CHMP6: variants seen among roughly 807,000 people sequenced by gnomAD.
CHMP6 encodes the protein charged multivesicular body protein 6, also known as chromatin-modifying protein 6.
CHMP6 carries 10 observed loss-of-function variants against 32.8 expected under a neutral mutation model. The observed-to-expected ratio is 0.30, with a 90% CI of 0.19 to 0.52. The LOEUF is 0.52. CHMP6 is among the 20% of genes least tolerant of loss of function. The probability of loss-of-function intolerance (pLI) is 0.97; values close to 1 mark genes in which losing one functional copy is unlikely to be tolerated. For synonymous variants in CHMP6, 123 were observed against 105.8 expected (o/e 1.16, Z -1.00); for missense variants, 269 against 263.8 (o/e 1.02, Z -0.14).
chr17:80,997,109 A>G (rs4969334), intron 5 of CHMP6, 37 bp downstream of exon 5: 961,950 of 1,609,266 alleles, frequency 0.6, 288,971 homozygotes, highest in African/African-American at 0.73. Flanking sequence ...CCCAACTGTG[A>G]GAACCCACAA....
chr17:80,993,461 C>T (rs1210995737), intron 1 of CHMP6, among the ~76,000 whole-genome samples: 2 of 152,076 alleles, frequency 1.3e-5, no homozygotes, highest in Non-Finnish European at 2.9e-5. Context: ...CTTGGCACGG[C>T]GAGGGGGAGA....
rs1176346042 is a variant in CHMP6, at chr17:80,991,854, C to T, written c.-65C>T. Reference sequence around the variant, plus strand: ...CGCCGTAGCGGGAGGACCCGAGCTACGGTGGCCGCGGGGCGGCGGTGGCGA... The same window carrying T: ...CGCCGTAGCGGGAGGACCCGAGCTATGGTGGCCGCGGGGCGGCGGTGGCGA... On this transcript the variant is annotated 5_prime_UTR_variant, in exon 1 of 8. In the 5' UTR this introduces an upstream ATG that the reference lacks. Transcript: ENST00000325167. 1.6e-6 allele frequency: 2 copies of T among 1,272,988 alleles called. No homozygotes were observed. The highest frequency in any genetic ancestry group is 3.5e-5 in the East Asian group (1 of 28,684). 78.9% of individuals were successfully genotyped at this position (1,272,988 alleles called of 1,614,324 possible).
At chr17:80,994,005 C>T (rs928803006) in intron 1 of CHMP6, among the ~76,000 whole-genome samples, 6 of 152,148 alleles carry the variant, frequency 3.9e-5, no homozygotes, top group African/African-American at 1.2e-4. Flanking sequence ...CTCTGCCTCC[C>T]GGGTTCACGC....
chr17:80,991,927 C>T lies in CHMP6; in HGVS notation c.9C>T (p.Asn3=), dbSNP rs777695255. 4 of 1,467,508 alleles carry T rather than the reference C, an allele frequency of 2.7e-6. No homozygotes were observed. Among genetic ancestry groups the T allele is most frequent in the Non-Finnish European group, 2.7e-6 (3 of 1,103,918 alleles). The allele number at this position is 1,467,508 out of a possible 1,614,324, so 90.9% of individuals were successfully genotyped here. The change falls in exon 1 of 8, where the codon AAC becomes AAT. Residue 3 remains asparagine, a synonymous_variant. Transcript: ENST00000325167. MG[N]LFGRKKQSRV... is the part of the protein sequence containing the mutation. ...CAGGGGCGGGCGCCGCCATGGGTAACCTGTTCGGCCGCAAGAAGCAGAGCC... is the reference window on the plus strand; with the variant it reads ...CAGGGGCGGGCGCCGCCATGGGTAATCTGTTCGGCCGCAAGAAGCAGAGCC...
At chr17:80,998,909 G>A (rs1199531199) in intron 7 of CHMP6, among the ~76,000 whole-genome samples, 189 bp from the exon 8 acceptor site, 4 of 152,306 alleles carry the variant, frequency 2.6e-5, no homozygotes, top group Non-Finnish European at 5.9e-5. Context: ...ACTGTCCCGT[G>A]TCCCTGGCCC....
chr17:80,998,246 G>C (rs1290783963), intron 6 of CHMP6, 120 bp from the exon 7 acceptor site: 4 of 1,186,310 alleles, frequency 3.4e-6, no homozygotes, highest in Admixed American at 3.8e-5. Context: ...GCACGTTCCT[G>C]TCCGCTTTAA....
chr17:80,999,385 G>C lies in CHMP6; in HGVS notation c.*232G>C, dbSNP rs1356828230. ...CTGCTCTCAGTCCGGATTAACTCTC[G>C]ACCGAGCCCAGCTTCTGCCGGTTGT... On this transcript the variant is annotated 3_prime_UTR_variant, in exon 8 of 8. Transcript: ENST00000325167. The C allele has an allele frequency of 1.9e-6, 1 of 514,080 alleles. No homozygotes were observed. Among genetic ancestry groups the C allele is most frequent in the African/African-American group, 1.9e-5 (1 of 51,458 alleles). The allele number at this position is 514,080 out of a possible 1,614,324, so 31.8% of individuals were successfully genotyped here.
At chr17:80,998,259 C>G in intron 6 of CHMP6, 107 bp from the exon 7 acceptor site, 3 of 1,333,490 alleles carry the variant, frequency 2.2e-6, no homozygotes, top group Non-Finnish European at 3.2e-6. Flanking sequence ...CGCTTTAACT[C>G]CGGCTGAGAG....
At position 80,995,692 on chromosome 17, in the gene CHMP6, C is replaced by G; in HGVS notation, c.282C>G (p.Thr94=). The part of the protein sequence containing the change: ...LEAMVQSIEF[T]QIEMKVMEGL... ...TTCAGGTTCAGAGTATTGAGTTCAC[C>G]CAGATCGAAATGAAAGTGATGGAGG... Residue 94 remains threonine, a synonymous_variant, in exon 4 of 8, where the codon ACC becomes ACG. Transcript: ENST00000325167. The G allele has an allele frequency of 6.2e-7, 1 of 1,614,066 alleles. No homozygotes were observed. Among genetic ancestry groups the G allele is most frequent in the Non-Finnish European group, 8.5e-7 (1 of 1,179,954 alleles).
Position 80,997,349 on chromosome 17 carries a change from C to A in CHMP6, c.495+8C>A, listed in dbSNP as rs903716974. 1.6e-6 allele frequency: 1 copy of A among 641,418 alleles called. No individual in the cohort carries two copies. Among genetic ancestry groups the A allele is most frequent in the Non-Finnish European group, 2.2e-6 (1 of 451,274 alleles). 39.7% of individuals were successfully genotyped at this position (641,418 alleles called of 1,614,324 possible). ...CTGAGCGCAATCACTCAGGTAACGG[C>A]CCCCCCGGGACTGAGCACAGTCACT... On this transcript the variant is annotated splice_region_variant and intron_variant, in intron 6 of 7. Coordinates refer to ENST00000325167, the MANE Select transcript of CHMP6 (RefSeq NM_024591.5).
intron 7 of CHMP6, 124 bp from the exon 8 acceptor site, chr17:80,998,974 C>T (rs1316616446): frequency 4.9e-5 from 53 of 1,081,996 alleles, no homozygotes; most frequent in Middle Eastern, 2.0e-4. Context: ...CAGAGCTGGG[C>T]GTGCCCTTCC....
chr17:80,998,549 G>T, intron 7 of CHMP6, 129 bp downstream of exon 7: 1 of 1,564,604 alleles, frequency 6.4e-7, no homozygotes. Flanking sequence ...TGGCTGTTTG[G>T]CTTGGGGGCG....
chr17:80,995,781 G>T lies in CHMP6; in HGVS notation c.348+23G>T, dbSNP rs199694932. 3.1e-6 allele frequency: 5 copies of T among 1,609,298 alleles called. No homozygotes were observed. The Admixed American group carries it at 6.7e-5, about 21-fold the overall frequency. The stretch of plus-strand genomic sequence containing the variant: ...CAGGTGAGTCTCTGCAGGGCCAGGG[G>T]CATGGAGGTGTGGGGAGCCCATTGG... On this transcript the variant is annotated intron_variant, in intron 4 of 7. Coordinates refer to ENST00000325167, the MANE Select transcript of CHMP6 (RefSeq NM_024591.5).
At chr17:80,998,493 C>T (rs374559574) in intron 7 of CHMP6, 73 bp downstream of exon 7, 77 of 1,611,528 alleles carry the variant, frequency 4.8e-5, no homozygotes, top group African/African-American at 6.8e-5. Flanking sequence ...GGGAACAAGA[C>T]AGAATGCTCC....
chr17:80,992,703 A>T (rs1598438089), intron 1 of CHMP6, among the ~76,000 whole-genome samples: 1 of 152,182 alleles, frequency 6.6e-6, no homozygotes, highest in East Asian at 1.9e-4. Context: ...GCCTTTTCCC[A>T]TGTGAAAGTT....
chr17:80,994,575 T>G lies in CHMP6; in HGVS notation c.64-6T>G, dbSNP rs774815678. ...CGGTGACGCCAGGCCCTCTCTCTCTTGGCAGCAACTGAAGCAGCAGCGGGA... is the reference window on the plus strand; with the variant it reads ...CGGTGACGCCAGGCCCTCTCTCTCTGGGCAGCAACTGAAGCAGCAGCGGGA... On this transcript the variant is annotated splice_polypyrimidine_tract_variant and splice_region_variant and intron_variant, in intron 1 of 7. Coordinates refer to ENST00000325167, the MANE Select transcript of CHMP6 (RefSeq NM_024591.5). The G allele has an allele frequency of 1.9e-6, 3 of 1,560,844 alleles. No individual in the cohort carries two copies. In the Admixed American group the frequency reaches 5.8e-5, roughly 30 times the overall value.
At position 80,992,004 on chromosome 17, in the gene CHMP6, A is replaced by G. The variant is rs1214313605; in HGVS notation, c.63+23A>G. 3.6e-6 allele frequency: 5 copies of G among 1,389,102 alleles called. No individual in the cohort carries two copies. The African/African-American group carries it at 7.5e-5, about 21-fold the overall frequency. 86.0% of individuals were successfully genotyped at this position (1,389,102 alleles called of 1,614,324 possible). On this transcript the variant is annotated intron_variant, in intron 1 of 7. Transcript: ENST00000325167. ...CTGGTGAGGGCCCGGGCCCGGGGTCAGGGCTGGGGCCGGGACAGGCGACGG... is the reference window on the plus strand; with the variant it reads ...CTGGTGAGGGCCCGGGCCCGGGGTCGGGGCTGGGGCCGGGACAGGCGACGG...
At chr17:80,994,193 C>T (rs1396289014) in intron 1 of CHMP6, among the ~76,000 whole-genome samples, 2 of 152,186 alleles carry the variant, frequency 1.3e-5, no homozygotes, top group Non-Finnish European at 2.9e-5. Context: ...GGATTACAGG[C>T]GTGAGCCACT....
intron 1 of CHMP6, among the ~76,000 whole-genome samples, 192 bp downstream of exon 1, chr17:80,992,173 G>T (rs2069598012): frequency 6.6e-6 from 1 of 151,372 alleles, no homozygotes; most frequent in Non-Finnish European, 1.5e-5. Flanking sequence ...TCGGGCCGGG[G>T]TCTCCTGCGC....
Sources: allele counts gnomAD v4.1 joint callset (sites outside exome capture counted in the v4.1 genomes callset), GRCh38; gene constraint gnomAD v4.1.1; transcripts MANE v1.5; gene names NCBI Gene and HGNC (gene_info 2026-07-23, HGNC 2026-07-21).